Variants in KIR2DL1 observed in about 807,000 individuals in gnomAD.
KIR2DL1 encodes killer cell immunoglobulin like receptor, two Ig domains and long cytoplasmic tail 1, also known as killer cell immunoglobulin-like receptor 2DL1.
In KIR2DL1, 38 loss-of-function variants were observed where a neutral mutation model predicts 33.9. The observed-to-expected ratio is 1.12, with a 90% confidence interval of 0.86 to 1.47. The LOEUF is 1.47. Ranked by LOEUF, KIR2DL1 falls within the 40% of genes most tolerant of loss-of-function variation. The pLI is 0.00. For synonymous variants in KIR2DL1, 179 were observed against 165.9 expected (o/e 1.08, Z -0.61); for missense variants, 531 against 433.9 (o/e 1.22, Z -1.99).
Position 54,779,375 on chromosome 19 carries a change from G to C in KIR2DL1, c.715+713G>C, listed in dbSNP as rs611041. Among the ~76,000 whole-genome samples, 65 of 138,642 alleles carry C rather than the reference G, an allele frequency of 4.7e-4. 1 individual carries two copies. Among genetic ancestry groups the C allele is most frequent in the African/African-American group, 1.6e-3 (61 of 38,010 alleles). The allele number at this position is 138,642 out of a possible 152,430, so 91.0% of individuals were successfully genotyped here. A position where few individuals can be genotyped will look rare whatever the true frequency, so the allele number is the denominator to read the frequency against. On this transcript the variant is annotated intron_variant, in intron 5 of 7. Transcript: ENST00000336077. ...CCAGGCACGAATCTGCTTCTCACTT[G>C]TCCCAGCTTCTAAAGGCTCCCAGTT... is the stretch of plus-strand genomic sequence containing the variant.
intron 5 of KIR2DL1, among the ~76,000 whole-genome samples, chr19:54,778,973 A>G (rs1016092856): frequency 2.0e-5 from 3 of 146,726 alleles, no homozygotes; most frequent in Non-Finnish European, 3.0e-5. Context: ...AAATTCCTGG[A>G]GACTTGAGAG....
intron 4 of KIR2DL1, among the ~76,000 whole-genome samples, chr19:54,776,735 G>A (rs1275970178): frequency 2.8e-5 from 4 of 145,222 alleles, no homozygotes; most frequent in African/African-American, 7.6e-5. Context: ...CCGCCTCCTG[G>A]GTTCAAATGA....
chr19:54,773,325 C>T lies in KIR2DL1; in HGVS notation c.71-8C>T, dbSNP rs1440082050. 6 of 1,595,704 alleles carry T rather than the reference C, an allele frequency of 3.8e-6. No homozygotes were observed. The Admixed American group carries it at 5.1e-5, about 14-fold the overall frequency. On this transcript the variant is annotated splice_polypyrimidine_tract_variant and splice_region_variant and intron_variant, in intron 2 of 7. Coordinates refer to ENST00000336077, the MANE Select transcript of KIR2DL1 (RefSeq NM_014218.3). The stretch of plus-strand genomic sequence containing the variant: ...GACACCTTCTAAACTCACAACCTCT[C>T]TTCCTAGGAGTCCACAGAAAACCTT...
rs1278299616 is a variant in KIR2DL1, at chr19:54,769,976, C to T, written c.34+92C>T. The T allele has an allele frequency of 3.5e-5, 51 of 1,472,424 alleles. 1 individual carries two copies. The highest frequency in any genetic ancestry group is 4.1e-5 in the Non-Finnish European group (44 of 1,068,286). 91.2% of individuals were successfully genotyped at this position (1,472,424 alleles called of 1,614,324 possible). On this transcript the variant is annotated intron_variant, in intron 1 of 7. Coordinates refer to ENST00000336077, the MANE Select transcript of KIR2DL1 (RefSeq NM_014218.3). ...ATAGGCCTGGAGGTGGAGTTATGGG[C>T]CTGGAGTGGAGATCTGGGCCTGGAG...
rs371632019 is a variant in KIR2DL1 at position 54,783,873 on chromosome 19, G to T, written c.*60G>T. 6.2e-7 allele frequency: 1 copy of T among 1,611,194 alleles called. No homozygotes were observed. On this transcript the variant is annotated 3_prime_UTR_variant, in exon 8 of 8. Coordinates refer to ENST00000336077, the MANE Select transcript of KIR2DL1 (RefSeq NM_014218.3). Reference sequence around the variant, plus strand: ...GAGACAACAGCCCTGTCTCAAAACCGGGTTGCCAGCTCCCATGTACCAGCA... The same window carrying T: ...GAGACAACAGCCCTGTCTCAAAACCTGGTTGCCAGCTCCCATGTACCAGCA...
In KIR2DL1 at chr19:54,769,822, C is replaced by G. The variant is rs781315262; in HGVS notation, c.-29C>G. 6.4e-7 allele frequency: 1 copy of G among 1,552,252 alleles called. No homozygotes were observed. The highest frequency in any genetic ancestry group is 8.8e-7 in the Non-Finnish European group (1 of 1,136,438). ...TGTGCGCTGCTGAGCTGAGCTCGGT[C>G]GCGGCTGCCTGTCTGCTCCGGCAGC... On this transcript the variant is annotated 5_prime_UTR_variant, in exon 1 of 8. Coordinates refer to ENST00000336077, the MANE Select transcript of KIR2DL1 (RefSeq NM_014218.3).
At chr19:54,779,509 G>A (rs2076727086) in intron 5 of KIR2DL1, among the ~76,000 whole-genome samples, 1 of 145,674 alleles carries the variant, frequency 6.9e-6, no homozygotes, top group Non-Finnish European at 1.5e-5. Flanking sequence ...TTCTCTGAGT[G>A]CTGCTCTCCC....
intron 3 of KIR2DL1, 95 bp from the exon 4 acceptor site, chr19:54,775,070 T>C: frequency 2.9e-6 from 4 of 1,377,018 alleles, no homozygotes; most frequent in Non-Finnish European, 4.0e-6. Flanking sequence ...GAGAGAGCAT[T>C]AGGTCATAGA....
At position 54,769,814 on chromosome 19, in the gene KIR2DL1, A is replaced by T. The variant is rs1169443709; in HGVS notation, c.-37A>T. On this transcript the variant is annotated 5_prime_UTR_variant, in exon 1 of 8. Coordinates refer to ENST00000336077, the MANE Select transcript of KIR2DL1 (RefSeq NM_014218.3). ...TAACATCCTGTGCGCTGCTGAGCTGAGCTCGGTCGCGGCTGCCTGTCTGCT... is the reference window on the plus strand; with the variant it reads ...TAACATCCTGTGCGCTGCTGAGCTGTGCTCGGTCGCGGCTGCCTGTCTGCT... 7.0e-6 allele frequency: 11 copies of T among 1,565,046 alleles called. No homozygotes were observed. Among genetic ancestry groups the T allele is most frequent in the Non-Finnish European group, 9.6e-6 (11 of 1,143,994 alleles).
chr19:54,782,312 G>A (rs1386937057), intron 5 of KIR2DL1, among the ~76,000 whole-genome samples: 5 of 151,962 alleles, frequency 3.3e-5, no homozygotes, highest in Admixed American at 6.5e-5. Context: ...TGCTCTAAAG[G>A]AACACTTGAG....
At chr19:54,775,587 T>A in intron 4 of KIR2DL1, 129 bp downstream of exon 4, 3 of 1,272,766 alleles carry the variant, frequency 2.4e-6, no homozygotes, top group South Asian at 2.6e-5. Context: ...GAGGGAGGGA[T>A]CAGGGCACAG....
chr19:54,780,984 G>A (rs562574127), intron 5 of KIR2DL1, among the ~76,000 whole-genome samples: 1 of 97,184 alleles, frequency 1.0e-5, no homozygotes, highest in Non-Finnish European at 2.1e-5. Flanking sequence ...GACCAGCCTG[G>A]CCAACGTGGT....
intron 2 of KIR2DL1, among the ~76,000 whole-genome samples, chr19:54,772,719 T>A (rs1434811867): frequency 7.0e-6 from 1 of 143,864 alleles, no homozygotes; most frequent in Non-Finnish European, 1.5e-5. Flanking sequence ...AATTAATTAA[T>A]TAATTAAAGA....
At position 54,770,863 on chromosome 19, in the gene KIR2DL1, C is replaced by T; in HGVS notation, c.49C>T (p.Gln17Ter). The change falls in exon 2 of 8, where the codon CAG becomes TAG. Residue 17 changes from glutamine (Q) to a stop codon, truncating the protein, a stop_gained. Coordinates refer to ENST00000336077, the MANE Select transcript of KIR2DL1 (RefSeq NM_014218.3). LOFTEE classifies it high-confidence loss of function. ...TTTCTTTCCAGGGTTCTTCTTGCTG[C>T]AGGGGGCCTGGCCACATGAGGGTGA... ...SMACVGFFLL[Q>*]GAWPHEGVHR... 1 of 1,584,528 alleles carries T rather than the reference C, an allele frequency of 6.3e-7. No individual in the cohort carries two copies. The highest frequency in any genetic ancestry group is 2.2e-5 in the East Asian group (1 of 44,716).
chr19:54,783,486 A>T lies in KIR2DL1; in HGVS notation c.818A>T (p.Asn273Ile). Reference sequence around the variant, plus strand: ...TTTTGTTGACTTCCATCTTCTACAGATGCTGCGGTAATGGACCAAGAGTCT... The same window carrying T: ...TTTTGTTGACTTCCATCTTCTACAGTTGCTGCGGTAATGGACCAAGAGTCT... ...LLHRWCSNKK[N>I]AAVMDQESAG... is the part of the protein sequence containing the mutation. The change falls in exon 7 of 8, where the codon AAT becomes ATT. Residue 273 changes from asparagine (N) to isoleucine (I), a missense_variant and splice_region_variant. Asn to Ile is a moderately radical substitution (Grantham distance 149, BLOSUM62 -3). Coordinates refer to ENST00000336077, the MANE Select transcript of KIR2DL1 (RefSeq NM_014218.3). 1 of 1,613,342 alleles carries T rather than the reference A, an allele frequency of 6.2e-7. No homozygotes were observed. Among genetic ancestry groups the T allele is most frequent in the Non-Finnish European group, 8.5e-7 (1 of 1,179,584 alleles).
At chr19:54,779,835 G>C (rs991551022) in intron 5 of KIR2DL1, among the ~76,000 whole-genome samples, 1 of 139,366 alleles carries the variant, frequency 7.2e-6, no homozygotes, top group South Asian at 2.4e-4. Flanking sequence ...GAAAATGAAC[G>C]CACAAGTGGA....
chr19:54,770,707 C>T, intron 1 of KIR2DL1, 142 bp from the exon 2 acceptor site: 2 of 1,242,864 alleles, frequency 1.6e-6, no homozygotes, highest in South Asian at 2.4e-5. Context: ...CAGCCCTGTT[C>T]TTGGGTGCAG....
intron 4 of KIR2DL1, among the ~76,000 whole-genome samples, chr19:54,776,286 T>G (rs2076330771): frequency 1.4e-5 from 2 of 147,864 alleles, no homozygotes; most frequent in African/African-American, 4.9e-5. Flanking sequence ...CTTTTCTTCC[T>G]GTCCTCCAGT....
rs867304473 is a variant in KIR2DL1 at position 54,775,994 on chromosome 19, C to T, written c.664+536C>T. On this transcript the variant is annotated intron_variant, in intron 4 of 7. Transcript: ENST00000336077. ...GCAACCTCCGCCTCCTGGGTTCAAG[C>T]GATTCTCCTGCCTCAGCCACCTGAG... 4.5e-4 allele frequency among the ~76,000 whole-genome samples: 65 copies of T among 145,668 alleles called. 9 individuals carry two copies. The highest frequency in any genetic ancestry group is 7.0e-3 in the Middle Eastern group (2 of 286).
Sources: allele counts gnomAD v4.1 joint callset (sites outside exome capture counted in the v4.1 genomes callset), GRCh38; gene constraint gnomAD v4.1.1; transcripts MANE v1.5; gene names NCBI Gene and HGNC (gene_info 2026-07-23, HGNC 2026-07-21).